Variants in SIPA1L2 observed in about 807,000 individuals in gnomAD.
SIPA1L2 encodes signal induced proliferation associated 1 like 2.
In SIPA1L2, 56 loss-of-function variants were observed where a neutral mutation model predicts 163.9. The observed-to-expected ratio is 0.34, with a 90% CI of 0.28 to 0.43. The LOEUF is 0.43. Ranked by LOEUF, SIPA1L2 falls within the 20% of genes least tolerant of loss-of-function variation. The pLI, the probability that SIPA1L2 is intolerant of heterozygous loss-of-function variation, is 1.00. For missense variants in SIPA1L2, 1,974 were observed against 2,193.5 expected (o/e 0.90, Z 2.00); for synonymous variants, 877 against 865.7 (o/e 1.01, Z -0.23).
intron 1 of SIPA1L2, among the ~76,000 whole-genome samples, chr1:232,614,474 G>A (rs61067197): frequency 3.3e-5 from 5 of 152,264 alleles, no homozygotes; most frequent in South Asian, 2.1e-4. Context: ...TAAACAAAAA[G>A]ATGTAAAAAG....
intron 1 of SIPA1L2, among the ~76,000 whole-genome samples, chr1:232,626,162 T>C (rs1663066134): frequency 6.6e-6 from 1 of 152,126 alleles, no homozygotes; most frequent in Non-Finnish European, 1.5e-5. Flanking sequence ...GTAACTGCTG[T>C]TGTCAATTTT....
chr1:232,416,194 C>T (rs546482482), intron 18 of SIPA1L2, among the ~76,000 whole-genome samples: 13 of 152,310 alleles, frequency 8.5e-5, no homozygotes, highest in African/African-American at 2.9e-4. Context: ...CTATCCCCTC[C>T]CAGTGAGTCA....
chr1:232,529,108 T>C (rs1481834443), intron 2 of SIPA1L2, among the ~76,000 whole-genome samples: 1 of 152,234 alleles, frequency 6.6e-6, no homozygotes. Context: ...TTGTTCTTTA[T>C]ACTTTTTATT....
At chr1:232,479,572 G>A in intron 7 of SIPA1L2, 55 bp downstream of exon 7, 2 of 1,387,740 alleles carry the variant, frequency 1.4e-6, no homozygotes, top group Non-Finnish European at 2.1e-6. Flanking sequence ...TCATCAGTGG[G>A]CCCACCTCAG....
chr1:232,423,417 A>G (rs1661694637), intron 18 of SIPA1L2, among the ~76,000 whole-genome samples: 1 of 152,230 alleles, frequency 6.6e-6, no homozygotes, highest in Non-Finnish European at 1.5e-5. Flanking sequence ...TTCCATGGAC[A>G]GGAGGTTGGA....
chr1:232,439,574 C>T (rs1662768312), intron 14 of SIPA1L2, 78 bp from the exon 15 acceptor site: 4 of 1,517,830 alleles, frequency 2.6e-6, no homozygotes, highest in Non-Finnish European at 3.6e-6. Context: ...CAGGGAGCTA[C>T]AAGCCATGGG....
At chr1:232,461,898 G>C (rs779166729) in intron 9 of SIPA1L2, among the ~76,000 whole-genome samples, 49 of 152,230 alleles carry the variant, frequency 3.2e-4, no homozygotes, top group Middle Eastern at 6.8e-3. Flanking sequence ...ATCCATGGTG[G>C]GGGCAGGCCA....
At chr1:232,490,374 A>C (rs1665864492) in intron 5 of SIPA1L2, among the ~76,000 whole-genome samples, 1 of 152,112 alleles carries the variant, frequency 6.6e-6, no homozygotes, top group Non-Finnish European at 1.5e-5. Flanking sequence ...CCTCTCCAAG[A>C]TCTCTTACCA....
chr1:232,470,492 T>C (rs1572947209), intron 8 of SIPA1L2, among the ~76,000 whole-genome samples: 1 of 152,336 alleles, frequency 6.6e-6, no homozygotes, highest in South Asian at 2.1e-4. Flanking sequence ...CTTGTGCCTT[T>C]AGGAAGCAAG....
chr1:232,448,396 C>A (rs1663342035), intron 10 of SIPA1L2, among the ~76,000 whole-genome samples: 1 of 152,194 alleles, frequency 6.6e-6, no homozygotes, highest in African/African-American at 2.4e-5. Context: ...AACAACACTT[C>A]CTAATATTTG....
At position 232,588,680 on chromosome 1, in the gene SIPA1L2, T is replaced by C. The variant is rs370349367; in HGVS notation, c.-318-14458A>G. ...GCACTCCCTTTTCCAACTACAAACC[T>C]GTGTGAGGCTAGGTTTTCTTTGGTT... On this transcript the variant is annotated intron_variant, in intron 1 of 22. Transcript: ENST00000674635. Among the ~76,000 whole-genome samples the C allele has an allele frequency of 5.9e-4, 90 of 152,312 alleles. No homozygotes were observed. In the South Asian group the frequency reaches 7.7e-3, roughly 13 times the overall value.
chr1:232,582,456 A>G (rs957544075), intron 1 of SIPA1L2, among the ~76,000 whole-genome samples: 1 of 152,036 alleles, frequency 6.6e-6, no homozygotes, highest in African/African-American at 2.4e-5. Flanking sequence ...ATGGTTTCCA[A>G]CTCCATCCAT....
chr1:232,514,170 T>C lies in SIPA1L2; in HGVS notation c.1170A>G (p.Lys390=). Residue 390 remains lysine, a synonymous_variant, in exon 3 of 23, where the codon AAA becomes AAG. Coordinates refer to ENST00000674635, the MANE Select transcript of SIPA1L2 (RefSeq NM_020808.5). ...PLGSKEDLNS[K]ENLDADEGDG... ...CACCCTCATCGGCATCCAGGTTCTC[T>C]TTGGAGTTGAGGTCCTCCTTGCTCC... is the stretch of plus-strand genomic sequence containing the variant. The C allele has an allele frequency of 6.2e-7, 1 of 1,614,208 alleles. No individual in the cohort carries two copies. Among genetic ancestry groups the C allele is most frequent in the Non-Finnish European group, 8.5e-7 (1 of 1,180,030 alleles).
intron 2 of SIPA1L2, among the ~76,000 whole-genome samples, chr1:232,533,147 G>T (rs889408509): frequency 6.6e-6 from 1 of 152,192 alleles, no homozygotes; most frequent in African/African-American, 2.4e-5. Context: ...CTTAGCCACT[G>T]TCCTAGGAAT....
intron 19 of SIPA1L2, among the ~76,000 whole-genome samples, chr1:232,406,971 T>C (rs1025153005): frequency 7.9e-5 from 12 of 152,226 alleles, no homozygotes; most frequent in African/African-American, 2.9e-4. Flanking sequence ...GCTTATTGCA[T>C]TGCAGAAAAC....
chr1:232,434,880 C>G (rs1354584563), intron 15 of SIPA1L2, among the ~76,000 whole-genome samples: 1 of 152,170 alleles, frequency 6.6e-6, no homozygotes, highest in Non-Finnish European at 1.5e-5. Flanking sequence ...GCATTCATTT[C>G]CCAAGAATAA....
intron 3 of SIPA1L2, among the ~76,000 whole-genome samples, chr1:232,497,609 A>G (rs6671306): frequency 0.35 from 53,661 of 152,032 alleles, 10,819 homozygotes; most frequent in East Asian, 0.74. Flanking sequence ...TCCTCCTGCC[A>G]GAGCTGTCTG....
chr1:232,581,594 G>A (rs1660378403), intron 1 of SIPA1L2, among the ~76,000 whole-genome samples: 1 of 152,078 alleles, frequency 6.6e-6, no homozygotes, highest in Non-Finnish European at 1.5e-5. Context: ...GAGTTTCTTT[G>A]ACTGATAACC....
At chr1:232,471,928 C>T (rs1038421444) in intron 7 of SIPA1L2, among the ~76,000 whole-genome samples, 7 of 152,180 alleles carry the variant, frequency 4.6e-5, no homozygotes, top group Non-Finnish European at 8.8e-5. Flanking sequence ...ATCACACCGG[C>T]GGGCTTCAGC....
Sources: gnomAD v4.1 joint callset for allele counts (sites outside exome capture counted in the v4.1 genomes callset) on GRCh38, gnomAD v4.1.1 for gene constraint, MANE v1.5 for transcripts, NCBI Gene and HGNC (gene_info 2026-07-23, HGNC 2026-07-21) for gene names.